The following KCNMA1 variants were observed in gnomAD, a reference collection of about 807,000 sequenced individuals.
KCNMA1 encodes potassium calcium-activated channel subfamily M alpha 1.
KCNMA1 carries 29 observed loss-of-function variants against 140.0 expected under a neutral mutation model. That is an observed-to-expected ratio of 0.21 (90% CI 0.15 to 0.28). The LOEUF is 0.28. Among genes scored for constraint, KCNMA1 ranks in the 10% least tolerant of loss-of-function variants. The pLI is 1.00. For missense variants in KCNMA1, 880 were observed against 1,602.2 expected (o/e 0.55, Z 7.70); for synonymous variants, 612 against 611.9 (o/e 1.00, Z 0.00).
intron 5 of KCNMA1, among the ~76,000 whole-genome samples, chr10:77,177,924 C>T (rs1356702223): frequency 6.6e-6 from 1 of 152,054 alleles, no homozygotes; most frequent in African/African-American, 2.4e-5. Flanking sequence ...AATGTTTTGT[C>T]CTTTTGTTGT....
At chr10:77,439,806 C>A (rs3910606) in intron 1 of KCNMA1, among the ~76,000 whole-genome samples, 18,328 of 152,148 alleles carry the variant, frequency 0.12, 1,165 homozygotes, top group South Asian at 0.16. Flanking sequence ...GGGAGGTTTC[C>A]CACCTGGGGC....
intron 24 of KCNMA1, chr10:76,914,053 T>C: frequency 6.5e-7 from 1 of 1,546,842 alleles, no homozygotes; most frequent in Non-Finnish European, 8.7e-7. Context: ...ACAGTGCTTC[T>C]TACCCAGTTC....
chr10:77,330,562 C>T (rs1378531007), intron 2 of KCNMA1, among the ~76,000 whole-genome samples: 1 of 152,206 alleles, frequency 6.6e-6, no homozygotes, highest in Non-Finnish European at 1.5e-5. Flanking sequence ...TTCGTAAATA[C>T]TGCTATGCAC....
intron 14 of KCNMA1, among the ~76,000 whole-genome samples, chr10:77,049,566 T>C (rs544385000): frequency 5.3e-4 from 81 of 152,314 alleles, no homozygotes; most frequent in African/African-American, 1.9e-3. Context: ...GCTCTGTATC[T>C]TCTAGAAGGA....
chr10:77,377,279 T>C (rs2095185042), intron 2 of KCNMA1, among the ~76,000 whole-genome samples: 1 of 151,840 alleles, frequency 6.6e-6, no homozygotes. Context: ...ATTTCCTACC[T>C]CCCCCACCTG....
chr10:77,014,657 G>A (rs74140251), intron 17 of KCNMA1, among the ~76,000 whole-genome samples: 1,637 of 152,074 alleles, frequency 0.011, 21 homozygotes, highest in African/African-American at 0.037. Context: ...GGTTCCACAT[G>A]TAAATAAGAA....
At chr10:77,381,601 T>C (rs143961830) in intron 2 of KCNMA1, among the ~76,000 whole-genome samples, 8 of 152,308 alleles carry the variant, frequency 5.3e-5, no homozygotes, top group Admixed American at 1.3e-4. Flanking sequence ...CTAGAGCCTG[T>C]TGGGACCCAG....
intron 2 of KCNMA1, among the ~76,000 whole-genome samples, chr10:77,368,080 A>G (rs1382290894): frequency 6.6e-6 from 1 of 152,222 alleles, no homozygotes; most frequent in Non-Finnish European, 1.5e-5. Context: ...TTCTGGTAAT[A>G]TGCTAAGTAT....
intron 2 of KCNMA1, among the ~76,000 whole-genome samples, chr10:77,373,374 C>T (rs985589879): frequency 2.0e-5 from 3 of 152,130 alleles, no homozygotes; most frequent in African/African-American, 4.8e-5. Context: ...AACATGAGGG[C>T]GTAGGTCTGC....
chr10:77,319,134 TC>T (rs2081641103), intron 2 of KCNMA1, among the ~76,000 whole-genome samples: 2 of 152,280 alleles, frequency 1.3e-5, no homozygotes, highest in South Asian at 4.1e-4. Flanking sequence ...GTACATTAAC[TC>T]AGGTGTCAGC....
intron 1 of KCNMA1, among the ~76,000 whole-genome samples, chr10:77,479,267 A>G (rs960944159): frequency 2.6e-5 from 4 of 152,340 alleles, no homozygotes; most frequent in African/African-American, 9.6e-5. Context: ...GATGAAACAA[A>G]GAGACAGAGA....
rs1201698370 is a variant in KCNMA1 at position 77,108,885 on chromosome 10, G to A, written c.1132-313C>T. Among the ~76,000 whole-genome samples, 1 of 150,974 alleles carries A rather than the reference G, an allele frequency of 6.6e-6. No individual in the cohort carries two copies. Among genetic ancestry groups the A allele is most frequent in the African/African-American group, 2.5e-5 (1 of 40,318 alleles). On this transcript the variant is annotated intron_variant, in intron 8 of 27. Coordinates refer to ENST00000286628, the MANE Select transcript of KCNMA1 (RefSeq NM_001161352.2). This position sits in a 1 kb window ranked among gnomAD's most constrained non-coding sequence, Gnocchi z 4.6. ...TCTTGCTGAAGAAAAATAGGCAAGA[G>A]GGGGACATGCTAGTGAAACTAAACA...
chr10:77,501,073 T>A (rs2043706304), intron 1 of KCNMA1, among the ~76,000 whole-genome samples: 1 of 152,236 alleles, frequency 6.6e-6, no homozygotes, highest in Non-Finnish European at 1.5e-5. Flanking sequence ...AGGCAACAAT[T>A]AAGCCCATAG....
chr10:76,941,069 A>AAGAAAGAG lies in KCNMA1; in HGVS notation c.2902+3703_2902+3704insCTCTTTCT, dbSNP rs1554961013. 6.2e-3 allele frequency among the ~76,000 whole-genome samples: 427 copies of AAGAAAGAG among 68,694 alleles called. 8 individuals are homozygous for AAGAAAGAG. Among genetic ancestry groups the AAGAAAGAG allele is most frequent in the Admixed American group, 0.014 (89 of 6,534 alleles). 45.1% of individuals were successfully genotyped at this position (68,694 alleles called of 152,430 possible). On this transcript the variant is annotated intron_variant, in intron 23 of 27. Coordinates refer to ENST00000286628, the MANE Select transcript of KCNMA1 (RefSeq NM_001161352.2). ...AGAAAGAAAGAGAAAGAAAGAAAGAAAAAGAAAGAAAGAAAGAGAAAGAAA... is the reference window on the plus strand; with the variant it reads ...AGAAAGAAAGAGAAAGAAAGAAAGAAAGAAAGAGAAAGAAAGAAAGAAAGAGAAAGAAA...
chr10:77,378,438 G>A (rs1035111891), intron 2 of KCNMA1, among the ~76,000 whole-genome samples: 3 of 152,210 alleles, frequency 2.0e-5, no homozygotes, highest in Non-Finnish European at 4.4e-5. Flanking sequence ...GCCACCAAGC[G>A]GGTTAGCTCA....
chr10:77,073,816 T>C (rs992326808), intron 13 of KCNMA1, among the ~76,000 whole-genome samples: 1 of 152,152 alleles, frequency 6.6e-6, no homozygotes, highest in Non-Finnish European at 1.5e-5. Flanking sequence ...ACGCTGACGC[T>C]GTTGATCTAG....
intron 2 of KCNMA1, among the ~76,000 whole-genome samples, chr10:77,385,668 T>A (rs1457410789): frequency 2.0e-5 from 3 of 152,166 alleles, no homozygotes; most frequent in Non-Finnish European, 4.4e-5. Context: ...ATGCACTGCA[T>A]CTTAAAGATG....
chr10:77,564,127 A>G (rs1330419399), intron 1 of KCNMA1, among the ~76,000 whole-genome samples: 2 of 152,246 alleles, frequency 1.3e-5, no homozygotes, highest in African/African-American at 2.4e-5. Flanking sequence ...TATACCGGGC[A>G]GAAAACAAGG....
At chr10:76,919,982 T>C (rs1031454999) in intron 23 of KCNMA1, among the ~76,000 whole-genome samples, 1 of 77,608 alleles carries the variant, frequency 1.3e-5, no homozygotes. Context: ...GCAATGAGCA[T>C]TGTGTGTGTG....
Sources: gnomAD v4.1 joint callset for allele counts (sites outside exome capture counted in the v4.1 genomes callset) on GRCh38, gnomAD v4.1.1 for gene constraint, Gnocchi (gnomAD v3.1) non-coding constraint, MANE v1.5 for transcripts, NCBI Gene and HGNC (gene_info 2026-07-23, HGNC 2026-07-21) for gene names.